RLF: variants seen among roughly 807,000 people sequenced by gnomAD.
RLF encodes the protein zinc finger protein Rlf.
A neutral mutation model predicts 162.9 loss-of-function variants in RLF; 7 were observed. That is an observed-to-expected ratio of 0.04 (90% CI 0.02 to 0.08). RLF has a LOEUF of 0.08. RLF is among the 10% of genes least tolerant of loss of function. The pLI is 1.00. For synonymous variants in RLF, 782 were observed against 791.5 expected (o/e 0.99, Z 0.20); for missense variants, 1,664 against 2,244.7 (o/e 0.74, Z 5.23).
intron 5 of RLF, among the ~76,000 whole-genome samples, chr1:40,208,930 A>G (rs1642832930): frequency 2.0e-5 from 3 of 152,202 alleles, no homozygotes; most frequent in Admixed American, 2.0e-4. Flanking sequence ...TTTAAATCCA[A>G]GGTGATCTGC....
chr1:40,175,644 G>A (rs1039018375), intron 1 of RLF, among the ~76,000 whole-genome samples: 8 of 151,106 alleles, frequency 5.3e-5, no homozygotes, highest in African/African-American at 1.2e-4. Context: ...GTGAGACTCC[G>A]ACTCAAAAAA....
intron 1 of RLF, among the ~76,000 whole-genome samples, chr1:40,178,832 C>T (rs1387904636): frequency 1.3e-5 from 2 of 151,562 alleles, no homozygotes; most frequent in East Asian, 3.9e-4. Context: ...GCCTTATCAC[C>T]ATTTTTTATT....
intron 1 of RLF, among the ~76,000 whole-genome samples, chr1:40,172,420 G>T (rs543270654): frequency 1.3e-5 from 2 of 152,282 alleles, no homozygotes; most frequent in Non-Finnish European, 2.9e-5. Context: ...ATTATAAACA[G>T]TGTCCCATGA....
chr1:40,203,479 G>T (rs982327197), intron 5 of RLF, among the ~76,000 whole-genome samples: 1 of 151,608 alleles, frequency 6.6e-6, no homozygotes, highest in East Asian at 2.0e-4. Flanking sequence ...GGAGGTGGAG[G>T]TTGCAGTGCA....
At chr1:40,170,338 T>C (rs1007166758) in intron 1 of RLF, among the ~76,000 whole-genome samples, 2 of 152,120 alleles carry the variant, frequency 1.3e-5, no homozygotes, top group African/African-American at 2.4e-5. Context: ...ACTGTAGCCT[T>C]GTTAGCCTCA....
intron 3 of RLF, among the ~76,000 whole-genome samples, chr1:40,192,380 A>T (rs1642570702): frequency 6.6e-6 from 1 of 152,198 alleles, no homozygotes; most frequent in Admixed American, 6.5e-5. Flanking sequence ...TTTGCATTAC[A>T]CTTAGTAGTT....
chr1:40,235,879 T>C lies in RLF; in HGVS notation c.1177T>C (p.Ser393Pro). Residue 393 changes from serine (S) to proline (P), a missense_variant, in exon 8 of 8, where the codon TCA becomes CCA. Ser to Pro is a moderately conservative substitution (Grantham distance 74, BLOSUM62 -1). This residue lies in a region of RLF where 287 missense variants were observed against 404.9 expected (regional missense o/e 0.71). Coordinates refer to ENST00000372771, the MANE Select transcript of RLF (RefSeq NM_012421.4). ...RSSEDEEMKASVCKTIACLLP... is the reference protein window; with the variant it reads ...RSSEDEEMKAPVCKTIACLLP... ...AAGTGAAGATGAGGAAATGAAGGCATCAGTTTGTAAAACAATTGCCTGTCT... is the reference window on the plus strand; with the variant it reads ...AAGTGAAGATGAGGAAATGAAGGCACCAGTTTGTAAAACAATTGCCTGTCT... 1 of 1,614,056 alleles carries C rather than the reference T, an allele frequency of 6.2e-7. No homozygotes were observed. The highest frequency in any genetic ancestry group is 8.5e-7 in the Non-Finnish European group (1 of 1,179,922).
Position 40,161,438 on chromosome 1 carries a change from G to C in RLF, c.39G>C (p.Gly13=), listed in dbSNP as rs759531537. The change falls in exon 1 of 8, where the codon GGG becomes GGC. Residue 13 remains glycine (G), a synonymous_variant. Coordinates refer to ENST00000372771, the MANE Select transcript of RLF (RefSeq NM_012421.4). The surrounding 1 kb of genome is among the most constrained non-coding windows in gnomAD (Gnocchi z 4.4). ...AGGGAGACGCCGCCGCTGTCGCCGG[G>C]GCTGGGGCTGAGGCTCCGGCGGTAG... ...DGKGDAAAVA[G]AGAEAPAVAG... is the part of the protein sequence containing the mutation. 7.7e-5 allele frequency: 121 copies of C among 1,572,144 alleles called. 1 individual carries two copies. The Middle Eastern group carries it at 2.1e-3, about 27-fold the overall frequency.
At chr1:40,192,584 AAT>A (rs942570632) in intron 3 of RLF, among the ~76,000 whole-genome samples, 1 of 152,178 alleles carries the variant, frequency 6.6e-6, no homozygotes, top group Non-Finnish European at 1.5e-5. Flanking sequence ...GCTTGAATAA[AAT>A]AGTTGCCTCT....
chr1:40,207,679 C>T (rs1468116644), intron 5 of RLF, among the ~76,000 whole-genome samples: 2 of 152,120 alleles, frequency 1.3e-5, no homozygotes, highest in African/African-American at 4.8e-5. Flanking sequence ...GGCGTGATCT[C>T]GGCTCACTGC....
intron 1 of RLF, among the ~76,000 whole-genome samples, chr1:40,177,476 G>T (rs1013150912): frequency 2.0e-5 from 3 of 151,676 alleles, no homozygotes; most frequent in African/African-American, 4.8e-5. Context: ...TGTATTTTTA[G>T]TAGAGACGGG....
intron 7 of RLF, among the ~76,000 whole-genome samples, chr1:40,235,247 G>A (rs1643202620): frequency 6.6e-6 from 1 of 151,926 alleles, no homozygotes; most frequent in South Asian, 2.1e-4. Context: ...TTTTAGTAGA[G>A]ACGGGGTTTC....
chr1:40,190,638 C>T, intron 2 of RLF, 134 bp from the exon 3 acceptor site: 2 of 567,808 alleles, frequency 3.5e-6, no homozygotes, highest in African/African-American at 1.9e-5. Context: ...TATAACAACT[C>T]TGAAGCAAAT....
At chr1:40,183,543 A>G (rs1642434408) in intron 1 of RLF, among the ~76,000 whole-genome samples, 1 of 152,172 alleles carries the variant, frequency 6.6e-6, no homozygotes. Flanking sequence ...AACTTGCTAC[A>G]AAATATTAAA....
rs770314317 is a variant in RLF, at chr1:40,237,898, C to T, written c.3196C>T (p.Arg1066Cys). The change falls in exon 8 of 8, where the codon CGC (arginine) becomes TGC (cysteine). Residue 1066 changes from arginine to cysteine, a missense_variant. Coordinates refer to ENST00000372771, the MANE Select transcript of RLF (RefSeq NM_012421.4). This position sits in a 1 kb window ranked among gnomAD's most constrained non-coding sequence, Gnocchi z 4.4. ...TEDTMLELLL[R>C]LKHLSLKNSI... ...GGATACCATGTTGGAACTTCTGTTACGCTTGAAACATTTAAGCTTGAAAAA... is the reference window on the plus strand; with the variant it reads ...GGATACCATGTTGGAACTTCTGTTATGCTTGAAACATTTAAGCTTGAAAAA... The T allele has an allele frequency of 6.8e-6, 11 of 1,614,118 alleles. No homozygotes were observed. The highest frequency in any genetic ancestry group is 1.7e-5 in the Admixed American group (1 of 60,022).
At chr1:40,228,013 A>T (rs915335285) in intron 6 of RLF, among the ~76,000 whole-genome samples, 5 of 151,694 alleles carry the variant, frequency 3.3e-5, no homozygotes, top group Non-Finnish European at 5.9e-5. Context: ...GGGGGAAAAA[A>T]TTTATTTGAG....
In RLF at chr1:40,189,117, A is replaced by G. The variant is rs760121075; in HGVS notation, c.300A>G (p.Val100=). 7 of 1,613,338 alleles carry G rather than the reference A, an allele frequency of 4.3e-6. No homozygotes were observed. Among genetic ancestry groups the G allele is most frequent in the Non-Finnish European group, 4.2e-6 (5 of 1,179,402 alleles). Residue 100 remains valine, a synonymous_variant, in exon 2 of 8, where the codon GTA becomes GTG. Coordinates refer to ENST00000372771, the MANE Select transcript of RLF (RefSeq NM_012421.4). ...ASEHIVYLLE[V]YRLAIQSFAS... Reference sequence around the variant, plus strand: ...AACATATTGTGTATCTTCTGGAGGTATATCGACTTGCCATCCAAAGCTTTG... The same window carrying G: ...AACATATTGTGTATCTTCTGGAGGTGTATCGACTTGCCATCCAAAGCTTTG...
intron 1 of RLF, among the ~76,000 whole-genome samples, chr1:40,166,232 T>G (rs1343796707): frequency 6.6e-6 from 1 of 152,062 alleles, no homozygotes; most frequent in African/African-American, 2.4e-5. Context: ...ATTTGTTAAA[T>G]CAATTGTAGG....
At chr1:40,224,904 T>C (rs1303119801) in intron 6 of RLF, among the ~76,000 whole-genome samples, 1 of 151,600 alleles carries the variant, frequency 6.6e-6, no homozygotes, top group Non-Finnish European at 1.5e-5. Flanking sequence ...CCAGAATCAC[T>C]TGAACCTGGG....
Sources: gnomAD v4.1 joint callset for allele counts (sites outside exome capture counted in the v4.1 genomes callset) on GRCh38, gnomAD v4.1.1 for gene constraint, gnomAD v4.1.1 regional missense constraint, Gnocchi (gnomAD v3.1) non-coding constraint, MANE v1.5 for transcripts, NCBI Gene and HGNC (gene_info 2026-07-23, HGNC 2026-07-21) for gene names.